The following CNTNAP4 variants were observed in gnomAD, a reference collection of about 807,000 sequenced individuals.
CNTNAP4 encodes contactin-associated protein-like 4.
Under a neutral mutation model 148.4 loss-of-function variants are expected in CNTNAP4, and 98 were observed. That is an observed-to-expected ratio of 0.66 (90% CI 0.56 to 0.78). CNTNAP4 has a LOEUF of 0.78. Among genes scored for constraint, CNTNAP4 ranks in the 30% least tolerant of loss-of-function variants. The probability of loss-of-function intolerance (pLI) is 0.00; values close to 1 mark genes in which losing one functional copy is unlikely to be tolerated. For synonymous variants in CNTNAP4, 730 were observed against 565.1 expected, an observed-to-expected ratio of 1.29 and a Z score of -4.14; for missense variants, 1,935 against 1,565.6, an observed-to-expected ratio of 1.24 and a Z score of -3.98.
chr16:76,517,197 G>A (rs1304600373), intron 15 of CNTNAP4, among the ~76,000 whole-genome samples: 1 of 152,164 alleles, frequency 6.6e-6, no homozygotes, highest in South Asian at 2.1e-4. Flanking sequence ...GTGCCAGGAG[G>A]TTAAAGAAGG....
chr16:76,358,753 A>G (rs777334241), intron 3 of CNTNAP4, among the ~76,000 whole-genome samples: 10 of 152,204 alleles, frequency 6.6e-5, no homozygotes, highest in Admixed American at 2.6e-4. Context: ...CAAAGTTAAG[A>G]CTTAGTACAA....
At chr16:76,417,935 G>C (rs571859662) in intron 3 of CNTNAP4, among the ~76,000 whole-genome samples, 2 of 151,554 alleles carry the variant, frequency 1.3e-5, no homozygotes, top group Non-Finnish European at 3.0e-5. Flanking sequence ...TTGCTTGCTT[G>C]CTTGTTTTCT....
chr16:76,522,311 G>A lies in CNTNAP4; in HGVS notation c.2755+54G>A, dbSNP rs1356639283. The stretch of plus-strand genomic sequence containing the variant: ...ATTGTATGATATGTGTTCAGAAATG[G>A]CCCAAGATAAAATAATACCAACTAT... On this transcript the variant is annotated intron_variant, in intron 17 of 23. Transcript: ENST00000611870. 150 of 1,462,396 alleles carry A rather than the reference G, an allele frequency of 1.0e-4. 1 individual carries two copies. Among genetic ancestry groups the A allele is most frequent in the Non-Finnish European group, 2.3e-5 (24 of 1,053,242 alleles). The allele number at this position is 1,462,396 out of a possible 1,614,324, so 90.6% of individuals were successfully genotyped here.
At chr16:76,542,129 G>T (rs1218743728) in intron 21 of CNTNAP4, among the ~76,000 whole-genome samples, 1 of 152,142 alleles carries the variant, frequency 6.6e-6, no homozygotes, top group African/African-American at 2.4e-5. Flanking sequence ...ATTAGCTTTA[G>T]ACAAAACTTC....
At chr16:76,278,024 A>G (rs142500825) in intron 1 of CNTNAP4, among the ~76,000 whole-genome samples, 2 of 152,178 alleles carry the variant, frequency 1.3e-5, no homozygotes, top group African/African-American at 2.4e-5. Flanking sequence ...AGTTCTAGTA[A>G]AACATGAAAT....
At chr16:76,470,071 A>G (rs542714988) in intron 10 of CNTNAP4, among the ~76,000 whole-genome samples, 1 of 152,296 alleles carries the variant, frequency 6.6e-6, no homozygotes, top group South Asian at 2.1e-4. Context: ...AAGCCTCACA[A>G]AATCTCTTAG....
intron 1 of CNTNAP4, among the ~76,000 whole-genome samples, chr16:76,308,180 A>G (rs1431890991): frequency 2.0e-5 from 3 of 152,076 alleles, no homozygotes; most frequent in Non-Finnish European, 4.4e-5. Flanking sequence ...TGTTTGTGTT[A>G]TTTCAAATAT....
At chr16:76,370,120 A>G (rs189622962) in intron 3 of CNTNAP4, among the ~76,000 whole-genome samples, 10 of 152,342 alleles carry the variant, frequency 6.6e-5, no homozygotes, top group Non-Finnish European at 8.8e-5. Context: ...CCTACTTGTT[A>G]TACGATAATA....
chr16:76,481,760 A>T (rs546337742), intron 12 of CNTNAP4, among the ~76,000 whole-genome samples: 1 of 152,186 alleles, frequency 6.6e-6, no homozygotes, highest in African/African-American at 2.4e-5. Context: ...ATTGAAGAAC[A>T]TATCTTTCGG....
In CNTNAP4 at chr16:76,452,668, A is replaced by C. The variant is rs2080553223; in HGVS notation, c.1232A>C (p.Glu411Ala). Residue 411 changes from glutamate to alanine, a missense_variant, in exon 8 of 24, where the codon GAA becomes GCA. Coordinates refer to ENST00000611870, the MANE Select transcript of CNTNAP4 (RefSeq NM_033401.5). Reference sequence around the variant, plus strand: ...AAGGCAGGGCTTCTGCTGTTCAGTGAACTTCAGCTGATTTCAGGGGGTATC... The same window carrying C: ...AAGGCAGGGCTTCTGCTGTTCAGTGCACTTCAGCTGATTTCAGGGGGTATC... ...WNKAGLLLFS[E>A]LQLISGGILL... The C allele has an allele frequency of 6.2e-7, 1 of 1,613,758 alleles. No homozygotes were observed. Among genetic ancestry groups the C allele is most frequent in the Non-Finnish European group, 8.5e-7 (1 of 1,179,850 alleles).
chr16:76,349,059 T>TGCC (rs1889499264), intron 2 of CNTNAP4, among the ~76,000 whole-genome samples: 1 of 152,056 alleles, frequency 6.6e-6, no homozygotes, highest in African/African-American at 2.4e-5. Flanking sequence ...GAATGTCTTA[T>TGCC]GTAACTAGAA....
In CNTNAP4 at chr16:76,349,557, A is replaced by G. The variant is rs185494840; in HGVS notation, c.197-5761A>G. 2.1e-3 allele frequency among the ~76,000 whole-genome samples: 319 copies of G among 152,186 alleles called. 1 individual carries two copies. The highest frequency in any genetic ancestry group is 2.9e-3 in the Non-Finnish European group (200 of 68,010). ...CAAATATTGGTACCACGTTCTTTCCATTTCCTTACATTATTATAATTTTAT... is the reference window on the plus strand; with the variant it reads ...CAAATATTGGTACCACGTTCTTTCCGTTTCCTTACATTATTATAATTTTAT... On this transcript the variant is annotated intron_variant, in intron 2 of 23. Coordinates refer to ENST00000611870, the MANE Select transcript of CNTNAP4 (RefSeq NM_033401.5).
intron 2 of CNTNAP4, among the ~76,000 whole-genome samples, chr16:76,321,474 G>GT (rs1269858688): frequency 1.3e-5 from 2 of 152,124 alleles, no homozygotes; most frequent in Non-Finnish European, 2.9e-5. Flanking sequence ...ATTTCCTGGT[G>GT]TTAAACGTAT....
intron 23 of CNTNAP4, among the ~76,000 whole-genome samples, chr16:76,554,835 C>T (rs890116306): frequency 3.9e-5 from 6 of 151,958 alleles, no homozygotes; most frequent in African/African-American, 1.4e-4. Flanking sequence ...CCAGCTTGTC[C>T]ATGGAATTTA....
intron 23 of CNTNAP4, 83 bp from the exon 24 acceptor site, chr16:76,558,407 T>C (rs1321620456): frequency 2.7e-6 from 2 of 741,232 alleles, no homozygotes; most frequent in Non-Finnish European, 4.5e-6. Context: ...AAAATAGTGT[T>C]ATGATGACTT....
At chr16:76,304,707 G>A (rs1024225525) in intron 1 of CNTNAP4, among the ~76,000 whole-genome samples, 21 of 152,080 alleles carry the variant, frequency 1.4e-4, no homozygotes, top group Admixed American at 1.0e-3. Flanking sequence ...CGCCACATCC[G>A]CCTTCAAAAC....
chr16:76,502,289 T>TGAGCAGTGGCTTCA (rs1330249542), intron 15 of CNTNAP4, among the ~76,000 whole-genome samples: 1 of 152,086 alleles, frequency 6.6e-6, no homozygotes. Flanking sequence ...CTCAGTTGGA[T>TGAGCAGTGGCTTCA]GAGCAGTGGC....
chr16:76,329,307 C>T (rs866212837), intron 2 of CNTNAP4, among the ~76,000 whole-genome samples: 1 of 152,156 alleles, frequency 6.6e-6, no homozygotes, highest in African/African-American at 2.4e-5. Flanking sequence ...CTCAGTGGAG[C>T]TTGCTTTGTC....
At chr16:76,314,013 A>G (rs996473978) in intron 1 of CNTNAP4, among the ~76,000 whole-genome samples, 2 of 152,200 alleles carry the variant, frequency 1.3e-5, no homozygotes, top group African/African-American at 4.8e-5. Flanking sequence ...TTAAACATGT[A>G]TGGATTTCAT....
Sources: gnomAD v4.1 joint callset for allele counts (sites outside exome capture counted in the v4.1 genomes callset) on GRCh38, gnomAD v4.1.1 for gene constraint, MANE v1.5 for transcripts, NCBI Gene and HGNC (gene_info 2026-07-23, HGNC 2026-07-21) for gene names.